Variants in DPYD observed in about 807,000 individuals in gnomAD.
DPYD encodes dihydropyrimidine dehydrogenase, also known as dihydropyrimidine dehydrogenase [NADP(+)].
DPYD carries 109 observed loss-of-function variants against 116.2 expected under a neutral mutation model. That is an observed-to-expected ratio of 0.94 (90% confidence interval 0.80 to 1.10). The LOEUF (loss-of-function observed/expected upper bound fraction) is 1.10, where lower values mean the gene tolerates loss of function less well. Ranked by LOEUF, DPYD falls within the 50% of genes least tolerant of loss-of-function variation. The pLI, the probability that DPYD is intolerant of heterozygous loss-of-function variation, is 0.00. For missense variants in DPYD, 1,302 were observed against 1,254.5 expected (o/e 1.04, Z -0.57); for synonymous variants, 440 against 432.0 (o/e 1.02, Z -0.23).
intron 3 of DPYD, among the ~76,000 whole-genome samples, chr1:97,775,304 A>T (rs933166481): frequency 1.3e-5 from 2 of 152,162 alleles, no homozygotes; most frequent in Non-Finnish European, 2.9e-5. Context: ...AATTTCTTTT[A>T]AAATTCTGCA....
At chr1:97,326,832 T>C (rs1404604096) in intron 16 of DPYD, among the ~76,000 whole-genome samples, 1 of 152,012 alleles carries the variant, frequency 6.6e-6, no homozygotes, top group Non-Finnish European at 1.5e-5. Context: ...TCAGAGTCTA[T>C]AACTGTGTTT....
At chr1:97,517,666 C>A (rs1240081889) in intron 12 of DPYD, among the ~76,000 whole-genome samples, 1 of 152,060 alleles carries the variant, frequency 6.6e-6, no homozygotes, top group Non-Finnish European at 1.5e-5. Context: ...TTTGTGTAAT[C>A]ATAATGTAAA....
chr1:97,749,750 T>C (rs936869886), intron 3 of DPYD, among the ~76,000 whole-genome samples: 1 of 152,158 alleles, frequency 6.6e-6, no homozygotes, highest in East Asian at 1.9e-4. Context: ...AATTTTTTTT[T>C]GCAAACCAAG....
chr1:97,916,403 C>G (rs1415906647), intron 1 of DPYD, among the ~76,000 whole-genome samples: 2 of 152,116 alleles, frequency 1.3e-5, no homozygotes, highest in African/African-American at 4.8e-5. Flanking sequence ...TTGCTCAATT[C>G]CCACCTATGA....
chr1:97,579,507 A>T (rs993795767), intron 10 of DPYD, among the ~76,000 whole-genome samples: 4 of 152,250 alleles, frequency 2.6e-5, no homozygotes, highest in Admixed American at 2.6e-4. Context: ...TTATGCTGCT[A>T]TCAGAAAACA....
chr1:97,170,876 A>T (rs138462223), intron 20 of DPYD, among the ~76,000 whole-genome samples: 3 of 152,064 alleles, frequency 2.0e-5, no homozygotes, highest in Middle Eastern at 3.4e-3. Flanking sequence ...GGGTTTCACC[A>T]TGTTGGTCAG....
chr1:97,226,856 TA>T (rs548501521), intron 19 of DPYD, among the ~76,000 whole-genome samples: 7 of 152,080 alleles, frequency 4.6e-5, no homozygotes, highest in East Asian at 1.9e-4. Context: ...GCATTTTTCA[TA>T]AAAAAAATCA....
chr1:97,712,254 A>G lies in DPYD; in HGVS notation c.483+9256T>C, dbSNP rs1247423531. ...TCTATTAAACTTTTCATTTATTCGTATCTCTTTATTGTGCTCTGGTTGAAT... is the reference window on the plus strand; with the variant it reads ...TCTATTAAACTTTTCATTTATTCGTGTCTCTTTATTGTGCTCTGGTTGAAT... On this transcript the variant is annotated intron_variant, in intron 5 of 22. Coordinates refer to ENST00000370192, the MANE Select transcript of DPYD (RefSeq NM_000110.4). 3.3e-5 allele frequency among the ~76,000 whole-genome samples: 5 copies of G among 151,882 alleles called. No individual in the cohort carries two copies. In the East Asian group the frequency reaches 5.8e-4, roughly 18 times the overall value.
chr1:97,700,148 ACC>A (rs1386338526), intron 5 of DPYD: 1 of 449,212 alleles, frequency 2.2e-6, no homozygotes, highest in African/African-American at 2.0e-5. Flanking sequence ...AAGTTAAGTG[ACC>A]AGAAGTCACT....
At chr1:97,514,262 AAC>A in intron 13 of DPYD, 1 of 984,200 alleles carries the variant, frequency 1.0e-6, no homozygotes, top group Non-Finnish European at 1.2e-6. Context: ...GCATGTCACC[AAC>A]AGTGTAAAGA....
intron 1 of DPYD, among the ~76,000 whole-genome samples, chr1:97,896,256 A>G (rs1673065636): frequency 6.6e-6 from 1 of 151,838 alleles, no homozygotes; most frequent in Non-Finnish European, 1.5e-5. Context: ...ACATAAATGG[A>G]TAAGAAAACA....
chr1:97,413,286 T>C (rs999995150), intron 14 of DPYD, among the ~76,000 whole-genome samples: 3 of 152,166 alleles, frequency 2.0e-5, no homozygotes, highest in Non-Finnish European at 4.4e-5. Context: ...GAGATACAAA[T>C]GTAGTCAACC....
intron 18 of DPYD, among the ~76,000 whole-genome samples, chr1:97,275,624 A>G (rs56105706): frequency 1.1e-3 from 167 of 152,328 alleles, no homozygotes; most frequent in African/African-American, 4.0e-3. Context: ...AGGTGTTTGA[A>G]TATATGTCAT....
At chr1:97,613,165 T>C (rs1656054408) in intron 8 of DPYD, among the ~76,000 whole-genome samples, 1 of 151,996 alleles carries the variant, frequency 6.6e-6, no homozygotes, top group Non-Finnish European at 1.5e-5. Flanking sequence ...GCAGCCTTCC[T>C]GTAACAGGCA....
chr1:97,601,980 A>T (rs906460166), intron 8 of DPYD, among the ~76,000 whole-genome samples: 31 of 152,180 alleles, frequency 2.0e-4, no homozygotes, highest in African/African-American at 5.3e-4. Context: ...GACCACACAC[A>T]TTAATTGTGT....
chr1:97,796,627 G>C (rs926437412), intron 3 of DPYD, among the ~76,000 whole-genome samples: 2 of 152,062 alleles, frequency 1.3e-5, no homozygotes, highest in Non-Finnish European at 2.9e-5. Context: ...ATCAACAAAA[G>C]AGGAAAATAT....
chr1:97,448,478 C>A (rs186593726), intron 14 of DPYD, among the ~76,000 whole-genome samples: 1 of 152,042 alleles, frequency 6.6e-6, no homozygotes, highest in Non-Finnish European at 1.5e-5. Context: ...TGTAACTGTG[C>A]CTAGCACAGA....
chr1:97,835,582 T>C (rs1226153656), intron 2 of DPYD, among the ~76,000 whole-genome samples: 4 of 152,078 alleles, frequency 2.6e-5, no homozygotes, highest in African/African-American at 4.8e-5. Flanking sequence ...CCTATATCTA[T>C]GAGAGGTCAA....
chr1:97,826,762 TTC>T (rs1459014508), intron 3 of DPYD, among the ~76,000 whole-genome samples: 2 of 152,252 alleles, frequency 1.3e-5, no homozygotes, highest in African/African-American at 4.8e-5. Context: ...AACTTAAACT[TTC>T]TGAGAATATC....
Sources: allele counts gnomAD v4.1 joint callset (sites outside exome capture counted in the v4.1 genomes callset), GRCh38; gene constraint gnomAD v4.1.1; transcripts MANE v1.5; gene names NCBI Gene and HGNC (gene_info 2026-07-23, HGNC 2026-07-21).